DNAH5: variants seen among roughly 807,000 people sequenced by gnomAD.
DNAH5 encodes axonemal beta dynein heavy chain 5.
A neutral mutation model predicts 518.2 loss-of-function variants in DNAH5; 372 were observed. The ratio of observed to expected loss-of-function variants is 0.72; its 90% CI spans 0.66 to 0.78. The LOEUF is 0.78. Among genes scored for constraint, DNAH5 ranks in the 30% least tolerant of loss-of-function variants. The pLI is 0.00. For synonymous variants in DNAH5, 2,039 were observed against 2,025.9 expected (o/e 1.01, Z -0.17); for missense variants, 5,523 against 5,687.0 (o/e 0.97, Z 0.93).
At chr5:14,007,189 T>A (rs17214871) in intron 1 of DNAH5, among the ~76,000 whole-genome samples, 50,009 of 152,176 alleles carry the variant, frequency 0.33, 9,108 homozygotes, top group East Asian at 0.82. Flanking sequence ...AATGACACCG[T>A]TCTCTGAGCT....
At chr5:13,965,538 C>T (rs1781472036) in intron 1 of DNAH5, among the ~76,000 whole-genome samples, 1 of 152,148 alleles carries the variant, frequency 6.6e-6, no homozygotes, top group Non-Finnish European at 1.5e-5. Context: ...AAAAGACACG[C>T]TTTGTTTAAG....
intron 65 of DNAH5, among the ~76,000 whole-genome samples, chr5:13,743,728 G>A (rs555674190): frequency 3.3e-5 from 5 of 151,954 alleles, no homozygotes; most frequent in South Asian, 2.1e-4. Context: ...ATTAATGGTC[G>A]GGGAAATGCA....
At chr5:13,816,209 TTGACAGCAGTCATAC>T (rs2151803697) in intron 42 of DNAH5, among the ~76,000 whole-genome samples, 1 of 152,250 alleles carries the variant, frequency 6.6e-6, no homozygotes, top group African/African-American at 2.4e-5. Flanking sequence ...GGCAAAAAAC[TTGACAGCAGTCATAC>T]GAGGAGATAC....
At chr5:13,732,908 T>C (rs1746817336) in intron 68 of DNAH5, among the ~76,000 whole-genome samples, 1 of 152,194 alleles carries the variant, frequency 6.6e-6, no homozygotes. Flanking sequence ...CTCATCAACC[T>C]AACCATTGAA....
At chr5:13,750,565 C>T (rs1750069836) in intron 65 of DNAH5, among the ~76,000 whole-genome samples, 1 of 152,190 alleles carries the variant, frequency 6.6e-6, no homozygotes, top group African/African-American at 2.4e-5. Flanking sequence ...TGTCTTCTCA[C>T]ATCAGATCCC....
intron 68 of DNAH5, among the ~76,000 whole-genome samples, chr5:13,729,982 C>A (rs1746263825): frequency 2.6e-5 from 4 of 152,164 alleles, no homozygotes; most frequent in Admixed American, 2.6e-4. Context: ...TTAAGAATTG[C>A]CCAATATTAG....
intron 1 of DNAH5, among the ~76,000 whole-genome samples, chr5:13,939,826 A>G (rs929228982): frequency 3.9e-5 from 6 of 152,130 alleles, no homozygotes; most frequent in African/African-American, 1.4e-4. Flanking sequence ...CACTTCAGTA[A>G]AGTGGTTTCG....
rs182258601 is a variant in DNAH5 at position 13,944,134 on chromosome 5, T to G, written c.57+248A>C. 5.3e-5 allele frequency among the ~76,000 whole-genome samples: 8 copies of G among 152,334 alleles called. No homozygotes were observed. The East Asian group carries it at 1.5e-3, about 29-fold the overall frequency. On this transcript the variant is annotated intron_variant, in intron 1 of 78. Transcript: ENST00000265104. Reference sequence around the variant, plus strand: ...CCCAGGAAAGCATCTTCCCAAAAGATGCAGCATGAATTTCTAGGTGCGTAG... The same window carrying G: ...CCCAGGAAAGCATCTTCCCAAAAGAGGCAGCATGAATTTCTAGGTGCGTAG...
intron 65 of DNAH5, among the ~76,000 whole-genome samples, chr5:13,742,203 A>T (rs1176352698): frequency 6.6e-6 from 1 of 152,192 alleles, no homozygotes; most frequent in East Asian, 1.9e-4. Flanking sequence ...TGATAAGGAC[A>T]AATACTTTTG....
At chr5:13,808,987 G>C in intron 46 of DNAH5, 57 bp downstream of exon 46, 1 of 1,587,112 alleles carries the variant, frequency 6.3e-7, no homozygotes, top group South Asian at 1.1e-5. Flanking sequence ...ATAAATGCAG[G>C]ATGCTTCATG....
chr5:13,831,709 C>T (rs1432338376), intron 35 of DNAH5, among the ~76,000 whole-genome samples: 1 of 152,144 alleles, frequency 6.6e-6, no homozygotes, highest in Non-Finnish European at 1.5e-5. Flanking sequence ...GTCATGAAAT[C>T]AGGAGAATGC....
intron 50 of DNAH5, among the ~76,000 whole-genome samples, chr5:13,790,373 A>G (rs913387639): frequency 6.6e-6 from 1 of 152,216 alleles, no homozygotes; most frequent in Non-Finnish European, 1.5e-5. Context: ...AGCCATAAAA[A>G]AGAATGAGAT....
intron 55 of DNAH5, among the ~76,000 whole-genome samples, chr5:13,772,124 C>A (rs191572218): frequency 1.3e-5 from 2 of 152,222 alleles, no homozygotes; most frequent in Admixed American, 1.3e-4. Flanking sequence ...GGTACTGGAA[C>A]CATAGAACAA....
Position 13,710,946 on chromosome 5 carries a change from G to T in DNAH5, c.13126-2611C>A, listed in dbSNP as rs142373826. 6.3e-3 allele frequency among the ~76,000 whole-genome samples: 963 copies of T among 152,260 alleles called. 11 individuals are homozygous for T. The highest frequency in any genetic ancestry group is 0.022 in the African/African-American group (915 of 41,550). On this transcript the variant is annotated intron_variant, in intron 75 of 78. Coordinates refer to ENST00000265104, the MANE Select transcript of DNAH5 (RefSeq NM_001369.3). Reference sequence around the variant, plus strand: ...AGAATTCTGCTAGACATTCAAAGAAGAATTGGTACCAATCCTTTTGACACT... The same window carrying T: ...AGAATTCTGCTAGACATTCAAAGAATAATTGGTACCAATCCTTTTGACACT...
chr5:13,806,716 A>G (rs560195518), intron 47 of DNAH5, among the ~76,000 whole-genome samples: 4 of 152,200 alleles, frequency 2.6e-5, no homozygotes, highest in African/African-American at 9.7e-5. Flanking sequence ...CTCAGTTTCA[A>G]TAAGGTCTTG....
chr5:13,773,710 A>G (rs1036395283), intron 55 of DNAH5, among the ~76,000 whole-genome samples: 10 of 152,214 alleles, frequency 6.6e-5, no homozygotes, highest in Non-Finnish European at 1.3e-4. Flanking sequence ...TGAGGTACAT[A>G]AATTACACAC....
chr5:13,799,144 C>G (rs1294316436), intron 47 of DNAH5, among the ~76,000 whole-genome samples: 1 of 151,874 alleles, frequency 6.6e-6, no homozygotes, highest in African/African-American at 2.4e-5. Context: ...AAATATATTA[C>G]AACTCATTCA....
At chr5:13,811,598 A>G (rs1484097338) in intron 44 of DNAH5, 49 bp downstream of exon 44, 7 of 1,545,352 alleles carry the variant, frequency 4.5e-6, no homozygotes, top group Non-Finnish European at 4.5e-6. Flanking sequence ...TCTGTGCAGC[A>G]TGGCTAAGTT....
At chr5:13,905,442 A>G (rs1775171152) in intron 12 of DNAH5, among the ~76,000 whole-genome samples, 1 of 152,198 alleles carries the variant, frequency 6.6e-6, no homozygotes, top group South Asian at 2.1e-4. Context: ...CGGCTCCTCA[A>G]CCTTGGACTT....
Sources: gnomAD v4.1 joint callset for allele counts (sites outside exome capture counted in the v4.1 genomes callset) on GRCh38, gnomAD v4.1.1 for gene constraint, MANE v1.5 for transcripts, NCBI Gene and HGNC (gene_info 2026-07-23, HGNC 2026-07-21) for gene names.